DAPK1: variants seen among roughly 807,000 people sequenced by gnomAD.
The protein encoded by DAPK1 is death-associated protein kinase 1.
In DAPK1, 56 loss-of-function variants were observed where a neutral mutation model predicts 144.9. The ratio of observed to expected loss-of-function variants is 0.39; its 90% CI spans 0.31 to 0.48. The LOEUF is 0.48. Ranked by LOEUF, DAPK1 falls within the 20% of genes least tolerant of loss-of-function variation. The pLI is 0.95. For synonymous variants in DAPK1, 690 were observed against 749.0 expected (o/e 0.92, Z 1.29); for missense variants, 1,454 against 1,875.4 (o/e 0.78, Z 4.15).
intron 18 of DAPK1, among the ~76,000 whole-genome samples, chr9:87,665,877 C>T (rs549131991): frequency 9.0e-4 from 137 of 152,292 alleles, no homozygotes; most frequent in African/African-American, 3.2e-3. Context: ...CCAGGGCTCA[C>T]GTTGAGATGA....
chr9:87,672,182 G>T (rs978745158), intron 19 of DAPK1, among the ~76,000 whole-genome samples: 13 of 152,324 alleles, frequency 8.5e-5, no homozygotes, highest in Middle Eastern at 6.8e-3. Context: ...GACCACTCTG[G>T]AACAGCTGTG....
At chr9:87,702,519 G>GAGCGAGGGAAGAAAGGAGGGAGAGAC (rs1825489619) in intron 24 of DAPK1, among the ~76,000 whole-genome samples, 1 of 152,186 alleles carries the variant, frequency 6.6e-6, no homozygotes, top group East Asian at 1.9e-4. Context: ...ACGAGAGAGA[G>GAGCGAGGGAAGAAAGGAGGGAGAGAC]AGCGAGGGAA....
rs1824224581 is a variant in DAPK1 at position 87,497,872 on chromosome 9, G to T, written c.-344G>T. 1 of 394,130 alleles carries T rather than the reference G, an allele frequency of 2.5e-6. No homozygotes were observed. 24.4% of individuals were successfully genotyped at this position (394,130 alleles called of 1,614,324 possible). ...CGGCAAGGAGCCGAGAGGCTGCTTCGGAGTGTGAGGAGGACAGCCGGACCG... is the reference window on the plus strand; with the variant it reads ...CGGCAAGGAGCCGAGAGGCTGCTTCTGAGTGTGAGGAGGACAGCCGGACCG... On this transcript the variant is annotated 5_prime_UTR_variant, in exon 1 of 26. Coordinates refer to ENST00000408954, the MANE Select transcript of DAPK1 (RefSeq NM_004938.4).
chr9:87,680,165 C>T (rs1028226399), intron 19 of DAPK1, among the ~76,000 whole-genome samples: 1 of 152,014 alleles, frequency 6.6e-6, no homozygotes, highest in East Asian at 1.9e-4. Context: ...AGTGCAGTGG[C>T]GTGATCTCCG....
intron 10 of DAPK1, among the ~76,000 whole-genome samples, chr9:87,642,356 A>G (rs1243384728): frequency 1.3e-5 from 2 of 152,188 alleles, no homozygotes; most frequent in Non-Finnish European, 2.9e-5. Context: ...TTCTAATACT[A>G]CAAGCCACAT....
Position 87,698,802 on chromosome 9 carries a change from G to T in DAPK1, c.2750+8G>T, listed in dbSNP as rs3128495. 0.43 allele frequency: 685,719 copies of T among 1,578,960 alleles called. 155,441 individuals are homozygous for T. The highest frequency in any genetic ancestry group is 0.57 in the Admixed American group (33,913 of 59,882). On this transcript the variant is annotated splice_region_variant and intron_variant, in intron 23 of 25. Transcript: ENST00000408954. ...GAAAGAGATTAGGAACAGGTGAGGG[G>T]CAGCCACTTAGTCTCCAGCTCACGG...
At chr9:87,651,486 C>A in intron 16 of DAPK1, 41 bp from the exon 17 acceptor site, 1 of 1,602,812 alleles carries the variant, frequency 6.2e-7, no homozygotes, top group Non-Finnish European at 8.5e-7. Context: ...GGCCACATGC[C>A]CAAGTGAAAA....
intron 2 of DAPK1, among the ~76,000 whole-genome samples, chr9:87,596,434 G>C (rs1472835885): frequency 6.6e-6 from 1 of 152,242 alleles, no homozygotes; most frequent in Admixed American, 6.5e-5. Context: ...TGCCCAGCCA[G>C]AACACTGAAG....
intron 2 of DAPK1, among the ~76,000 whole-genome samples, chr9:87,563,527 C>T (rs7865853): frequency 0.63 from 95,269 of 152,046 alleles, 30,403 homozygotes; most frequent in African/African-American, 0.72. Context: ...CTTGCTCTGC[C>T]CAGCAGAGTC....
At chr9:87,569,083 T>A (rs1827239250) in intron 2 of DAPK1, among the ~76,000 whole-genome samples, 1 of 152,198 alleles carries the variant, frequency 6.6e-6, no homozygotes, top group Non-Finnish European at 1.5e-5. Context: ...TGCATTAACC[T>A]CAGTGGTTCT....
intron 2 of DAPK1, among the ~76,000 whole-genome samples, chr9:87,558,572 C>T (rs1384828487): frequency 1.3e-5 from 2 of 152,148 alleles, no homozygotes; most frequent in Middle Eastern, 3.2e-3. Flanking sequence ...TGCACACCAA[C>T]GTCCCTTTCG....
intron 3 of DAPK1, among the ~76,000 whole-genome samples, chr9:87,633,684 G>A (rs190982821): frequency 6.8e-4 from 103 of 152,226 alleles, no homozygotes; most frequent in African/African-American, 2.2e-3. Flanking sequence ...TTCTGAGGAC[G>A]CAAATACTGA....
Position 87,585,408 on chromosome 9 carries a change from G to T in DAPK1, c.63-19546G>T, listed in dbSNP as rs926286012. 3.0e-4 allele frequency among the ~76,000 whole-genome samples: 45 copies of T among 152,308 alleles called. 1 individual carries two copies. Among genetic ancestry groups the T allele is most frequent in the African/African-American group, 1.1e-3 (44 of 41,582 alleles). ...ACACAAATGCTTATTGTAGCATGTA[G>T]GTTGTCTATTTGGCTTCTGTACTCC... On this transcript the variant is annotated intron_variant, in intron 2 of 25. Coordinates refer to ENST00000408954, the MANE Select transcript of DAPK1 (RefSeq NM_004938.4).
At chr9:87,579,227 G>T (rs1258290068) in intron 2 of DAPK1, among the ~76,000 whole-genome samples, 1 of 152,098 alleles carries the variant, frequency 6.6e-6, no homozygotes, top group Non-Finnish European at 1.5e-5. Context: ...AGTCTTTGAG[G>T]GCCTCTCACT....
chr9:87,603,861 G>A (rs1828615081), intron 2 of DAPK1, among the ~76,000 whole-genome samples: 2 of 152,100 alleles, frequency 1.3e-5, no homozygotes, highest in Admixed American at 1.3e-4. Flanking sequence ...ATTATTTTGA[G>A]TCAAGTTCTA....
At chr9:87,656,716 G>A (rs552307500) in intron 17 of DAPK1, among the ~76,000 whole-genome samples, 5 of 152,210 alleles carry the variant, frequency 3.3e-5, no homozygotes, top group Admixed American at 6.5e-5. Context: ...AGGCATTCAC[G>A]AGAATGTGAT....
intron 2 of DAPK1, among the ~76,000 whole-genome samples, chr9:87,589,055 ATTTTTTTTTTTTT>A (rs35875159): frequency 4.0e-5 from 4 of 101,200 alleles, no homozygotes; most frequent in African/African-American, 1.6e-4. Flanking sequence ...CGCCCGGCTA[ATTTTTTTTTTTTT>A]TTTTTTTTTT....
chr9:87,533,672 G>GCCCTA (rs1825770642), intron 2 of DAPK1, among the ~76,000 whole-genome samples: 3 of 151,816 alleles, frequency 2.0e-5, no homozygotes, highest in South Asian at 4.2e-4. Flanking sequence ...GCTCTGCCCT[G>GCCCTA]CCCTTTTTGA....
intron 2 of DAPK1, among the ~76,000 whole-genome samples, chr9:87,540,073 T>TA (rs1354901360): frequency 1.3e-5 from 2 of 152,072 alleles, no homozygotes; most frequent in East Asian, 3.8e-4. Context: ...GTTGCGAAGA[T>TA]ATGTGGTAGA....
Sources: allele counts gnomAD v4.1 joint callset (sites outside exome capture counted in the v4.1 genomes callset), GRCh38; gene constraint gnomAD v4.1.1; transcripts MANE v1.5; gene names NCBI Gene and HGNC (gene_info 2026-07-23, HGNC 2026-07-21).